The following ATRNL1 variants were observed in gnomAD, a reference collection of about 807,000 sequenced individuals.
ATRNL1 encodes attractin like 1.
Under a neutral mutation model 182.7 loss-of-function variants are expected in ATRNL1, and 95 were observed. That is an observed-to-expected ratio of 0.52 (90% CI 0.44 to 0.62). The LOEUF (loss-of-function observed/expected upper bound fraction) is 0.62, where lower values mean the gene tolerates loss of function less well. Among genes scored for constraint, ATRNL1 ranks in the 20% least tolerant of loss-of-function variants. ATRNL1 has a pLI of 0.00. For synonymous variants in ATRNL1, 576 were observed against 568.3 expected, an observed-to-expected ratio of 1.01 and a Z score of -0.19; for missense variants, 1,471 against 1,679.5, an observed-to-expected ratio of 0.88 and a Z score of 2.17.
chr10:115,917,552 G>A (rs1413761805), intron 28 of ATRNL1, among the ~76,000 whole-genome samples: 7 of 151,482 alleles, frequency 4.6e-5, no homozygotes, highest in East Asian at 1.9e-4. Context: ...TAGACAAAGC[G>A]AGCAAAACGT....
intron 24 of ATRNL1, among the ~76,000 whole-genome samples, chr10:115,515,527 A>G (rs1850594603): frequency 2.0e-5 from 3 of 151,756 alleles, no homozygotes; most frequent in Non-Finnish European, 1.5e-5. Flanking sequence ...ATGTTAATGT[A>G]CCTTATAAAA....
At chr10:115,489,913 A>C (rs1407094623) in intron 24 of ATRNL1, among the ~76,000 whole-genome samples, 1 of 152,194 alleles carries the variant, frequency 6.6e-6, no homozygotes, top group Non-Finnish European at 1.5e-5. Context: ...CTTGTAAGGC[A>C]GGCCTGTTGG....
At chr10:115,449,059 G>C (rs934992614) in intron 21 of ATRNL1, among the ~76,000 whole-genome samples, 2 of 152,290 alleles carry the variant, frequency 1.3e-5, no homozygotes, top group Admixed American at 6.5e-5. Flanking sequence ...GGGTAGAAGA[G>C]GGCAGTCCCT....
intron 24 of ATRNL1, among the ~76,000 whole-genome samples, chr10:115,475,469 G>A (rs1035288160): frequency 1.3e-4 from 19 of 151,248 alleles, no homozygotes; most frequent in South Asian, 2.1e-4. Context: ...CTTCTTAATC[G>A]TTATAGTATT....
chr10:115,193,006 C>G (rs1421283308), intron 8 of ATRNL1, among the ~76,000 whole-genome samples: 1 of 151,898 alleles, frequency 6.6e-6, no homozygotes, highest in Non-Finnish European at 1.5e-5. Flanking sequence ...ATCATATAAT[C>G]TATAAACAAG....
intron 26 of ATRNL1, among the ~76,000 whole-genome samples, chr10:115,659,033 G>A (rs1253376883): frequency 2.6e-5 from 4 of 152,010 alleles, no homozygotes; most frequent in Admixed American, 1.3e-4. Context: ...AATAACATGG[G>A]GGAAACTGCC....
chr10:115,471,415 C>A (rs1848305901), intron 24 of ATRNL1, among the ~76,000 whole-genome samples: 1 of 150,884 alleles, frequency 6.6e-6, no homozygotes, highest in Non-Finnish European at 1.5e-5. Context: ...TTGGGGGAAT[C>A]TTCATACGGC....
At chr10:115,326,824 G>T (rs1376696948) in intron 18 of ATRNL1, among the ~76,000 whole-genome samples, 1 of 152,168 alleles carries the variant, frequency 6.6e-6, no homozygotes, top group Non-Finnish European at 1.5e-5. Context: ...AGAAAAACAA[G>T]CAATGGGGAA....
intron 28 of ATRNL1, among the ~76,000 whole-genome samples, chr10:115,884,968 A>G (rs2134449353): frequency 6.6e-6 from 1 of 152,350 alleles, no homozygotes; most frequent in East Asian, 1.9e-4. Context: ...TGATCCAAAA[A>G]GTACACATTC....
chr10:115,412,194 A>G (rs1423004456), intron 20 of ATRNL1, among the ~76,000 whole-genome samples: 7 of 152,162 alleles, frequency 4.6e-5, no homozygotes, highest in East Asian at 1.9e-4. Context: ...AGCTGAGAGT[A>G]TCCTCTAGCA....
At chr10:115,532,572 C>T (rs1253173914) in intron 25 of ATRNL1, among the ~76,000 whole-genome samples, 6 of 151,762 alleles carry the variant, frequency 4.0e-5, no homozygotes, top group Middle Eastern at 3.4e-3. Context: ...CGTCTGCAAA[C>T]AGGGACAATT....
intron 27 of ATRNL1, among the ~76,000 whole-genome samples, chr10:115,787,943 G>A (rs1037180669): frequency 2.6e-5 from 4 of 152,160 alleles, no homozygotes; most frequent in East Asian, 1.9e-4. Context: ...GATTTGAGCC[G>A]TTTAAACACA....
intron 5 of ATRNL1, among the ~76,000 whole-genome samples, chr10:115,140,456 T>A (rs576297388): frequency 1.3e-5 from 2 of 152,326 alleles, no homozygotes; most frequent in African/African-American, 4.8e-5. Context: ...GGACTAGATG[T>A]AGGGGTAGAC....
intron 26 of ATRNL1, among the ~76,000 whole-genome samples, chr10:115,692,082 A>T (rs1297177549): frequency 1.3e-5 from 2 of 152,162 alleles, no homozygotes; most frequent in Non-Finnish European, 2.9e-5. Context: ...GGCAGTTTTG[A>T]CTTCATGAGG....
At chr10:115,577,424 C>T (rs950240896) in intron 26 of ATRNL1, among the ~76,000 whole-genome samples, 1 of 151,706 alleles carries the variant, frequency 6.6e-6, no homozygotes, top group Middle Eastern at 3.4e-3. Flanking sequence ...GTTTTTATTG[C>T]TCAGATATTT....
chr10:115,147,487 CTA>C (rs1239255887), intron 5 of ATRNL1, among the ~76,000 whole-genome samples: 5 of 152,146 alleles, frequency 3.3e-5, no homozygotes, highest in Non-Finnish European at 5.9e-5. Flanking sequence ...TCTCATTTGT[CTA>C]TTTTTATTTT....
At chr10:115,168,611 CTT>C (rs1847152531) in intron 7 of ATRNL1, among the ~76,000 whole-genome samples, 2 of 151,928 alleles carry the variant, frequency 1.3e-5, no homozygotes, top group South Asian at 4.1e-4. Flanking sequence ...TGTATATTGT[CTT>C]TGGAGAAATG....
At chr10:115,885,567 G>A (rs1294773461) in intron 28 of ATRNL1, among the ~76,000 whole-genome samples, 7 of 152,116 alleles carry the variant, frequency 4.6e-5, no homozygotes, top group South Asian at 2.1e-4. Context: ...TATATTCATC[G>A]TGGAAAGTTT....
rs74739308 is a variant in ATRNL1 at position 115,329,326 on chromosome 10, T to C, written c.3038-4956T>C. On this transcript the variant is annotated intron_variant, in intron 18 of 28. Coordinates refer to ENST00000355044, the MANE Select transcript of ATRNL1 (RefSeq NM_207303.4). ...AACATATTAGCTAACCTGAAGAATG[T>C]TGCATATGCATTTGAGAAGAATGTG... Among the ~76,000 whole-genome samples the C allele has an allele frequency of 3.0e-3, 464 of 152,278 alleles. 4 individuals are homozygous for C. The highest frequency in any genetic ancestry group is 0.011 in the African/African-American group (445 of 41,580).
Sources: gnomAD v4.1 joint callset for allele counts (sites outside exome capture counted in the v4.1 genomes callset) on GRCh38, gnomAD v4.1.1 for gene constraint, MANE v1.5 for transcripts, NCBI Gene and HGNC (gene_info 2026-07-23, HGNC 2026-07-21) for gene names.